The following KIF5A variants were observed in gnomAD, a reference collection of about 807,000 sequenced individuals.
The protein encoded by KIF5A is kinesin family member 5A.
A neutral mutation model predicts 141.3 loss-of-function variants in KIF5A; 35 were observed. The observed-to-expected ratio is 0.25, with a 90% CI of 0.19 to 0.33. The LOEUF (loss-of-function observed/expected upper bound fraction) is 0.33, where lower values mean the gene tolerates loss of function less well. KIF5A is among the 10% of genes least tolerant of loss of function. The pLI, the probability that KIF5A is intolerant of heterozygous loss-of-function variation, is 1.00. For synonymous variants in KIF5A, 448 were observed against 500.2 expected (o/e 0.90, Z 1.39); for missense variants, 861 against 1,314.3 (o/e 0.66, Z 5.33).
intron 1 of KIF5A, among the ~76,000 whole-genome samples, chr12:57,555,138 G>T (rs1171605085): frequency 6.6e-6 from 1 of 152,120 alleles, no homozygotes; most frequent in African/African-American, 2.4e-5. Context: ...ATCAGATATG[G>T]CTTTTGCTAA....
chr12:57,572,646 C>T lies in KIF5A; in HGVS notation c.1636C>T (p.Arg546Ter), dbSNP rs185438769. ...LQEVSGHQRK[R>*]IAEVLNGLMK... ...GGAGGTCAGTGGACACCAGCGAAAA[C>T]GAATTGCTGAGGTGCTGAACGGGCT... The change falls in exon 15 of 29, where the codon CGA becomes TGA. Residue 546 changes from arginine to a stop codon, truncating the protein, a stop_gained. Coordinates refer to ENST00000455537, the MANE Select transcript of KIF5A (RefSeq NM_004984.4). LOFTEE classifies it high-confidence loss of function. This position sits in a 1 kb window ranked among gnomAD's most constrained non-coding sequence, Gnocchi z 4.2. The T allele has an allele frequency of 1.9e-6, 3 of 1,614,184 alleles. No individual in the cohort carries two copies. Among genetic ancestry groups the T allele is most frequent in the Non-Finnish European group, 2.5e-6 (3 of 1,180,042 alleles).
At chr12:57,559,631 A>T in intron 1 of KIF5A, among the ~76,000 whole-genome samples, 1 of 152,200 alleles carries the variant, frequency 6.6e-6, no homozygotes, top group Non-Finnish European at 1.5e-5. Context: ...ACCACTACAC[A>T]GATCAAGATC....
intron 6 of KIF5A, among the ~76,000 whole-genome samples, 177 bp from the exon 7 acceptor site, chr12:57,566,949 A>G (rs974720587): frequency 6.6e-6 from 1 of 152,090 alleles, no homozygotes; most frequent in Non-Finnish European, 1.5e-5. Flanking sequence ...CTGAGGCAAG[A>G]GAATCGCTTG....
chr12:57,569,642 C>A lies in KIF5A; in HGVS notation c.1076C>A (p.Thr359Lys), dbSNP rs774586838. 2 of 1,613,862 alleles carry A rather than the reference C, an allele frequency of 1.2e-6. No individual in the cohort carries two copies. Among genetic ancestry groups the A allele is most frequent in the Non-Finnish European group, 8.5e-7 (1 of 1,180,052 alleles). ...GAGAAGACAAAGGCCCAGAAGGAGA[C>A]GATTGCGAAGCTGGAGGCTGAGCTG... ...EKEKTKAQKE[T>K]IAKLEAELSR... Residue 359 changes from threonine to lysine, a missense_variant, in exon 11 of 29, where the codon ACG (threonine) becomes AAG (lysine). Thr to Lys is a moderately conservative substitution (Grantham distance 78). Transcript: ENST00000455537.
chr12:57,563,475 A>G lies in KIF5A; in HGVS notation c.166A>G (p.Asn56Asp). 6.2e-7 allele frequency: 1 copy of G among 1,613,956 alleles called. No individual in the cohort carries two copies. Among genetic ancestry groups the G allele is most frequent in the Non-Finnish European group, 8.5e-7 (1 of 1,179,846 alleles). The change falls in exon 2 of 29, where the codon AAC becomes GAC. Residue 56 changes from asparagine (N) to aspartate (D), a missense_variant. Coordinates refer to ENST00000455537, the MANE Select transcript of KIF5A (RefSeq NM_004984.4). ...PYVFDRVFPP[N>D]TTQEQVYHAC... ...TGTTTTTGACCGTGTATTCCCCCCA[A>G]ACACGACTCAAGAGCAAGTTTATCA...
intron 1 of KIF5A, among the ~76,000 whole-genome samples, chr12:57,555,959 T>C (rs1209161543): frequency 7.0e-6 from 1 of 142,716 alleles, no homozygotes; most frequent in South Asian, 2.2e-4. Context: ...AAAAAACAAA[T>C]TTACATTTTA....
In KIF5A at chr12:57,567,585, G is replaced by A. The variant is rs1459034112; in HGVS notation, c.681G>A (p.Lys227=). 6.2e-7 allele frequency: 1 copy of A among 1,613,216 alleles called. No homozygotes were observed. Among genetic ancestry groups the A allele is most frequent in the Admixed American group, 1.7e-5 (1 of 59,958 alleles). Residue 227 remains lysine, a synonymous_variant, in exon 8 of 29, where the codon AAG becomes AAA. Transcript: ENST00000455537. ...AAACGGAGCAGAAGCTCAGTGGGAAGCTGTATCTGGTGGACCTGGCAGGGA... is the reference window on the plus strand; with the variant it reads ...AAACGGAGCAGAAGCTCAGTGGGAAACTGTATCTGGTGGACCTGGCAGGGA... ...NMETEQKLSG[K]LYLVDLAGSE... is the part of the protein sequence containing the mutation.
chr12:57,581,992 C>T, intron 26 of KIF5A, 40 bp downstream of exon 26: 2 of 1,534,092 alleles, frequency 1.3e-6, no homozygotes, highest in East Asian at 2.2e-5. Flanking sequence ...TTGGGGTCCT[C>T]AGGGCAAGTT....
At position 57,569,666 on chromosome 12, in the gene KIF5A, T is replaced by C. The variant is rs764640324; in HGVS notation, c.1100T>C (p.Leu367Pro). 1.2e-6 allele frequency: 2 copies of C among 1,613,762 alleles called. No individual in the cohort carries two copies. Among genetic ancestry groups the C allele is most frequent in the Non-Finnish European group, 1.7e-6 (2 of 1,180,002 alleles). The part of the protein sequence containing the change: ...KETIAKLEAE[L>P]SRWRNGENVP... ...ACGATTGCGAAGCTGGAGGCTGAGC[T>C]GAGCCGGTGGCGCAATGGTTAGAGA... Residue 367 changes from leucine to proline, a missense_variant, in exon 11 of 29, where the codon CTG becomes CCG. Physicochemically the swap from Leu to Pro is moderately conservative, Grantham distance 98. Coordinates refer to ENST00000455537, the MANE Select transcript of KIF5A (RefSeq NM_004984.4).
intron 7 of KIF5A, 59 bp downstream of exon 7, chr12:57,567,272 T>C (rs1174365969): frequency 4.2e-6 from 6 of 1,441,254 alleles, no homozygotes; most frequent in Non-Finnish European, 5.9e-6. Context: ...TTCTGTGTCC[T>C]CTGGGGTGGA....
At chr12:57,570,906 C>G (rs989283714) in intron 12 of KIF5A, among the ~76,000 whole-genome samples, 2 of 151,862 alleles carry the variant, frequency 1.3e-5, no homozygotes, top group African/African-American at 4.8e-5. Context: ...TCCCCCCCAA[C>G]CTCAGCCTCT....
intron 25 of KIF5A, 110 bp from the exon 26 acceptor site, chr12:57,581,760 G>A (rs957379371): frequency 5.6e-6 from 7 of 1,243,824 alleles, no homozygotes; most frequent in South Asian, 1.2e-5. Context: ...TGCTCTCTGG[G>A]GATGGGGAGG....
At chr12:57,583,286 C>A in intron 28 of KIF5A, 71 bp downstream of exon 28, 2 of 834,138 alleles carry the variant, frequency 2.4e-6, no homozygotes, top group Non-Finnish European at 1.9e-6. Context: ...CTTTGGTTTT[C>A]CTGCTGCTGC....
At chr12:57,566,817 G>A (rs1482470196) in intron 6 of KIF5A, among the ~76,000 whole-genome samples, 5 of 151,936 alleles carry the variant, frequency 3.3e-5, no homozygotes, top group Admixed American at 2.0e-4. Flanking sequence ...CAAGGCAGGC[G>A]GATCACGAGG....
At chr12:57,576,666 T>A in intron 19 of KIF5A, 95 bp from the exon 20 acceptor site, 1 of 921,024 alleles carries the variant, frequency 1.1e-6, no homozygotes, top group Non-Finnish European at 1.8e-6. Flanking sequence ...CTGGACTCAC[T>A]CGTTCAAAAA....
At position 57,571,307 on chromosome 12, in the gene KIF5A, G is replaced by A. The variant is rs1007135841; in HGVS notation, c.1294-14G>A. Reference sequence around the variant, plus strand: ...AGCTTCCCTTCACCTGTCTTTCCCTGTTGCCTCCAACAGGATGATGAAATC... The same window carrying A: ...AGCTTCCCTTCACCTGTCTTTCCCTATTGCCTCCAACAGGATGATGAAATC... On this transcript the variant is annotated splice_polypyrimidine_tract_variant and intron_variant, in intron 12 of 28. Coordinates refer to ENST00000455537, the MANE Select transcript of KIF5A (RefSeq NM_004984.4). 2 of 1,515,050 alleles carry A rather than the reference G, an allele frequency of 1.3e-6. No individual in the cohort carries two copies. The highest frequency in any genetic ancestry group is 2.3e-5 in the East Asian group (1 of 44,388). 93.9% of individuals were successfully genotyped at this position (1,515,050 alleles called of 1,614,324 possible). A position where few individuals can be genotyped will look rare whatever the true frequency, so the allele number is the denominator to read the frequency against.
intron 1 of KIF5A, 43 bp from the exon 2 acceptor site, chr12:57,563,396 C>A: frequency 1.4e-6 from 2 of 1,413,362 alleles, no homozygotes; most frequent in Non-Finnish European, 2.0e-6. Context: ...TTTTCCCTCA[C>A]ATCCTGCCTG....
At chr12:57,576,606 AG>A (rs1166974164) in intron 19 of KIF5A, among the ~76,000 whole-genome samples, 154 bp from the exon 20 acceptor site, 1 of 152,182 alleles carries the variant, frequency 6.6e-6, no homozygotes, top group Admixed American at 6.5e-5. Context: ...TCATGGAAAC[AG>A]TGGCCTGAGT....
At chr12:57,565,003 G>A in intron 6 of KIF5A, 30 bp downstream of exon 6, 1 of 1,603,846 alleles carries the variant, frequency 6.2e-7, no homozygotes, top group Non-Finnish European at 8.5e-7. Context: ...ACCTATGTGG[G>A]GCCAGTGTAT....
Sources: gnomAD v4.1 joint callset for allele counts (sites outside exome capture counted in the v4.1 genomes callset) on GRCh38, gnomAD v4.1.1 for gene constraint, Gnocchi (gnomAD v3.1) non-coding constraint, MANE v1.5 for transcripts, NCBI Gene and HGNC (gene_info 2026-07-23, HGNC 2026-07-21) for gene names.